The following NTN1 variants were observed in gnomAD, a reference collection of about 807,000 sequenced individuals.
NTN1 encodes the protein netrin 1, also known as netrin-1.
Under a neutral mutation model 54.2 loss-of-function variants are expected in NTN1, and 11 were observed. The observed-to-expected ratio is 0.20, with a 90% CI of 0.13 to 0.34. The LOEUF is 0.34. NTN1 is among the 10% of genes least tolerant of loss of function. The pLI is 1.00. For missense variants in NTN1, 740 were observed against 893.1 expected (o/e 0.83, Z 2.18); for synonymous variants, 371 against 382.0 (o/e 0.97, Z 0.33).
In NTN1 at chr17:9,236,126, G is replaced by C. The variant is rs549319771; in HGVS notation, c.1487-3514G>C. On this transcript the variant is annotated intron_variant, in intron 6 of 6. Coordinates refer to ENST00000173229, the MANE Select transcript of NTN1 (RefSeq NM_004822.3). ...TATCAAGTTCCAACATAAGAATTTGGGGGGGGGGGTACTAACATTAAAACC... is the reference window on the plus strand; with the variant it reads ...TATCAAGTTCCAACATAAGAATTTGCGGGGGGGGGTACTAACATTAAAACC... Among the ~76,000 whole-genome samples the C allele has an allele frequency of 6.4e-3, 589 of 92,482 alleles. 10 individuals carry two copies. The highest frequency in any genetic ancestry group is 0.016 in the African/African-American group (514 of 31,296). The allele number at this position is 92,482 out of a possible 152,430, so 60.7% of individuals were successfully genotyped here. A position where few individuals can be genotyped will look rare whatever the true frequency, so the allele number is the denominator to read the frequency against.
At chr17:9,161,181 C>A (rs965591506) in intron 2 of NTN1, among the ~76,000 whole-genome samples, 47 of 152,148 alleles carry the variant, frequency 3.1e-4, no homozygotes, top group African/African-American at 1.1e-3. Context: ...GGTGCCCACG[C>A]CAGGCTGGTG....
chr17:9,013,794 G>T, the NTN1 span, among the ~76,000 whole-genome samples: 1 of 152,158 alleles, frequency 6.6e-6, no homozygotes, highest in Admixed American at 6.5e-5. Context: ...TCTCCATCTG[G>T]AGCAACATCC....
the NTN1 span, among the ~76,000 whole-genome samples, chr17:9,005,951 G>GC: frequency 1.3e-5 from 2 of 152,164 alleles, no homozygotes; most frequent in Non-Finnish European, 2.9e-5. Context: ...GTGCCCAGAG[G>GC]CCCCCCTTGG....
rs2092361430 is a variant in NTN1, at chr17:9,162,831, A to G, written c.1037A>G (p.His346Arg). ...CCTGCAGCCTGTAACTGCAACCTGCATGCCCGGCGCTGCCGCTTCAACATG... is the reference window on the plus strand; with the variant it reads ...CCTGCAGCCTGTAACTGCAACCTGCGTGCCCGGCGCTGCCGCTTCAACATG... ...NECVACNCNL[H>R]ARRCRFNMEL... The change falls in exon 3 of 7, where the codon CAT (histidine) becomes CGT (arginine). Residue 346 changes from histidine (H) to arginine (R), a missense_variant. Transcript: ENST00000173229. 2 of 1,612,920 alleles carry G rather than the reference A, an allele frequency of 1.2e-6. No homozygotes were observed. The highest frequency in any genetic ancestry group is 2.2e-5 in the South Asian group (2 of 91,068).
At chr17:9,099,063 T>C in intron 2 of NTN1, among the ~76,000 whole-genome samples, 1 of 152,236 alleles carries the variant, frequency 6.6e-6, no homozygotes, top group African/African-American at 2.4e-5. Flanking sequence ...ATTTGCTATA[T>C]GGGAAACACT....
chr17:9,057,716 A>G (rs2091983715), intron 2 of NTN1, among the ~76,000 whole-genome samples: 1 of 152,212 alleles, frequency 6.6e-6, no homozygotes, highest in African/African-American at 2.4e-5. Context: ...CCCCACAATC[A>G]GGTTCCACGT....
At chr17:9,037,028 C>A (rs541245338) in intron 2 of NTN1, among the ~76,000 whole-genome samples, 1 of 152,310 alleles carries the variant, frequency 6.6e-6, no homozygotes, top group African/African-American at 2.4e-5. Context: ...CTCTTTAAAT[C>A]ATGAGTGTTC....
chr17:9,210,276 A>G (rs1283257212), intron 5 of NTN1, among the ~76,000 whole-genome samples: 3 of 151,900 alleles, frequency 2.0e-5, no homozygotes, highest in Middle Eastern at 3.2e-3. Flanking sequence ...TGCACCGTTT[A>G]GGTCTTGTTC....
intron 2 of NTN1, among the ~76,000 whole-genome samples, chr17:9,138,378 G>T (rs2092287445): frequency 6.6e-6 from 1 of 152,168 alleles, no homozygotes; most frequent in Non-Finnish European, 1.5e-5. Flanking sequence ...ATGTTCTCAG[G>T]CTGTGTCCTG....
chr17:9,114,239 GA>G lies in NTN1; in HGVS notation c.1019-48566del, dbSNP rs1294909195. ...ATTTATTGACTTAAAAGGAGTAAGG[GA>G]AAAAAAAGGAAGATTCAAGTGTAAG... On this transcript the variant is annotated intron_variant, in intron 2 of 6. Transcript: ENST00000173229. 3.6e-4 allele frequency among the ~76,000 whole-genome samples: 52 copies of G among 144,794 alleles called. No individual in the cohort carries two copies. The South Asian group carries it at 6.3e-3, about 18-fold the overall frequency. 95.0% of individuals were successfully genotyped at this position (144,794 alleles called of 152,430 possible).
chr17:9,015,293 C>T, the NTN1 span, among the ~76,000 whole-genome samples: 1 of 152,092 alleles, frequency 6.6e-6, no homozygotes, highest in Non-Finnish European at 1.5e-5. Context: ...TGCCTGTCAT[C>T]CCAGCTACTT....
the NTN1 span, among the ~76,000 whole-genome samples, chr17:9,015,590 C>T: frequency 6.6e-6 from 1 of 152,066 alleles, no homozygotes; most frequent in Non-Finnish European, 1.5e-5. Context: ...GTACCCTCCC[C>T]TGTATCCTCG....
At chr17:9,072,645 A>G (rs2092035938) in intron 2 of NTN1, among the ~76,000 whole-genome samples, 1 of 152,092 alleles carries the variant, frequency 6.6e-6, no homozygotes, top group Non-Finnish European at 1.5e-5. Context: ...AAGTTGGGGA[A>G]TGCAGCGGTG....
intron 2 of NTN1, among the ~76,000 whole-genome samples, chr17:9,154,209 G>A (rs2092335577): frequency 2.0e-5 from 3 of 152,200 alleles, no homozygotes; most frequent in Admixed American, 6.5e-5. Flanking sequence ...GCATTAACCA[G>A]ACCTTAGCAT....
At position 9,022,628 on chromosome 17, in the gene NTN1, G is replaced by T. The variant is rs775149906; in HGVS notation, c.255G>T (p.Glu85Asp). The part of the protein sequence containing the change: ...ARYCVVSERG[E>D]ERLRSCHLCN... ...ACTGCGTGGTGAGCGAGCGCGGCGA[G>T]GAGCGGCTGCGCTCGTGCCACCTCT... Residue 85 changes from glutamate to aspartate, a missense_variant, in exon 2 of 7, where the codon GAG (glutamate) becomes GAT (aspartate). By Grantham distance (45) the Glu-to-Asp change is conservative. Coordinates refer to ENST00000173229, the MANE Select transcript of NTN1 (RefSeq NM_004822.3). The T allele has an allele frequency of 5.8e-6, 9 of 1,554,556 alleles. No individual in the cohort carries two copies. The highest frequency in any genetic ancestry group is 7.0e-6 in the Non-Finnish European group (8 of 1,150,410).
In NTN1 at chr17:9,221,586, G is replaced by A. The variant is rs1187290799; in HGVS notation, c.1486+344G>A. ...GTCTTCTGTGTCTGCATCATACTGC[G>A]GGGATTTGACCCGAGTCCACGTGGC... On this transcript the variant is annotated intron_variant, in intron 6 of 6. Coordinates refer to ENST00000173229, the MANE Select transcript of NTN1 (RefSeq NM_004822.3). The surrounding 1 kb of genome is among the most constrained non-coding windows in gnomAD (Gnocchi z 4.5). 2.6e-5 allele frequency among the ~76,000 whole-genome samples: 4 copies of A among 152,162 alleles called. No individual in the cohort carries two copies. The highest frequency in any genetic ancestry group is 1.3e-4 in the Admixed American group (2 of 15,284).
rs1231747273 is a variant in NTN1, at chr17:9,144,189, C to T, written c.1019-18624C>T. ...AGGATTACAGACATGAGCCACTGCG[C>T]CCGGCCGTTACCGTCTTTTATATCG... On this transcript the variant is annotated intron_variant, in intron 2 of 6. Transcript: ENST00000173229. 3.3e-5 allele frequency among the ~76,000 whole-genome samples: 5 copies of T among 152,188 alleles called. No homozygotes were observed. The East Asian group carries it at 7.7e-4, about 23-fold the overall frequency.
chr17:9,201,974 C>T (rs111574677), intron 5 of NTN1, among the ~76,000 whole-genome samples: 13,102 of 135,702 alleles, frequency 0.097, 789 homozygotes, highest in East Asian at 0.23. Flanking sequence ...AATCACAAGG[C>T]CAGAAGTTCA....
Position 9,243,454 on chromosome 17 carries a change from A to G in NTN1, c.*3486A>G, listed in dbSNP as rs1019440614. The G allele has an allele frequency of 6.6e-6, 1 of 152,258 alleles. No individual in the cohort carries two copies. The highest frequency in any genetic ancestry group is 1.5e-5 in the Non-Finnish European group (1 of 68,052). The allele number at this position is 152,258 out of a possible 1,614,324, so 9.4% of individuals were successfully genotyped here. A position where few individuals can be genotyped will look rare whatever the true frequency, so the allele number is the denominator to read the frequency against. ...GGGGAATGGTTCCTGCCTTCAGGAA[A>G]GTGAAAGACGCTTAGGCTGTCAACA... On this transcript the variant is annotated 3_prime_UTR_variant, in exon 7 of 7. Transcript: ENST00000173229.
Sources: gnomAD v4.1 joint callset for allele counts (sites outside exome capture counted in the v4.1 genomes callset) on GRCh38, gnomAD v4.1.1 for gene constraint, Gnocchi (gnomAD v3.1) non-coding constraint, MANE v1.5 for transcripts, NCBI Gene and HGNC (gene_info 2026-07-23, HGNC 2026-07-21) for gene names.